PNKD: variants seen among roughly 807,000 people sequenced by gnomAD.
PNKD encodes PNKD metallo-beta-lactamase domain containing, also known as probable thioesterase PNKD.
In PNKD, 36 loss-of-function variants were observed where a neutral mutation model predicts 45.3. The ratio of observed to expected loss-of-function variants is 0.80; its 90% CI spans 0.61 to 1.05. The LOEUF is 1.05. Ranked by LOEUF, PNKD falls within the 50% of genes least tolerant of loss-of-function variation. The probability of loss-of-function intolerance (pLI) is 0.00; values close to 1 mark genes in which losing one functional copy is unlikely to be tolerated. For missense variants in PNKD, 511 were observed against 506.6 expected (o/e 1.01, Z -0.08); for synonymous variants, 197 against 210.1 (o/e 0.94, Z 0.54).
chr2:218,274,199 T>C (rs982138511), intron 2 of PNKD: 8 of 154,992 alleles, frequency 5.2e-5, no homozygotes, highest in Admixed American at 6.5e-5. Context: ...ATACAGGGTT[T>C]TAACTTCTAG....
intron 2 of PNKD, among the ~76,000 whole-genome samples, chr2:218,276,783 G>T (rs1691258188): frequency 6.6e-6 from 1 of 152,068 alleles, no homozygotes; most frequent in Non-Finnish European, 1.5e-5. Context: ...TGCAGTCCAG[G>T]GCTTCAGGTG....
chr2:218,343,814 C>G (rs912505287), intron 8 of PNKD, among the ~76,000 whole-genome samples: 1 of 152,220 alleles, frequency 6.6e-6, no homozygotes, highest in African/African-American at 2.4e-5. Flanking sequence ...GCCAGTCAGC[C>G]TTCAGCCTCT....
intron 2 of PNKD, among the ~76,000 whole-genome samples, chr2:218,290,927 T>A (rs1355143606): frequency 6.6e-6 from 1 of 152,206 alleles, no homozygotes; most frequent in East Asian, 1.9e-4. Context: ...CAGAGAATTG[T>A]ATGAGCTTCC....
At chr2:218,321,722 G>A (rs1274757216) in intron 2 of PNKD, among the ~76,000 whole-genome samples, 1 of 150,358 alleles carries the variant, frequency 6.7e-6, no homozygotes, top group African/African-American at 2.5e-5. Flanking sequence ...TCCACCTCCC[G>A]GGTTCAAGCG....
intron 2 of PNKD, chr2:218,273,074 G>A (rs982413130): frequency 1.6e-6 from 1 of 626,430 alleles, no homozygotes; most frequent in African/African-American, 1.9e-5. Flanking sequence ...AGAGACTTAA[G>A]TGCAACCAGC....
At chr2:218,322,726 G>T (rs974080751) in intron 2 of PNKD, among the ~76,000 whole-genome samples, 2 of 152,192 alleles carry the variant, frequency 1.3e-5, no homozygotes, top group African/African-American at 4.8e-5. Flanking sequence ...TTGGTTCGTC[G>T]CCTCACTAGA....
In PNKD at chr2:218,326,534, G is replaced by A. The variant is rs1559526564; in HGVS notation, c.237-13249G>A. Among the ~76,000 whole-genome samples, 5 of 152,252 alleles carry A rather than the reference G, an allele frequency of 3.3e-5. No homozygotes were observed. The highest frequency in any genetic ancestry group is 3.9e-4 in the East Asian group (2 of 5,180). On this transcript the variant is annotated intron_variant, in intron 2 of 9. Transcript: ENST00000273077. The surrounding 1 kb of genome is among the most constrained non-coding windows in gnomAD (Gnocchi z 4.1). ...GCATCTATAAAGTGGGGTTGGGGAT[G>A]CCTACCTCATAGGGCTCCTGTGAAG...
At chr2:218,327,905 T>A (rs1694199498) in intron 2 of PNKD, 1 of 139,430 alleles carries the variant, frequency 7.2e-6, no homozygotes, top group Non-Finnish European at 1.5e-5. Context: ...GAGGTTGCAG[T>A]GAGCCAAGAT....
At chr2:218,313,019 C>G (rs1693662895) in intron 2 of PNKD, among the ~76,000 whole-genome samples, 1 of 151,726 alleles carries the variant, frequency 6.6e-6, no homozygotes, top group South Asian at 2.1e-4. Context: ...ATACCTGGCC[C>G]TAGCTTCCCC....
At chr2:218,273,085 C>G in intron 2 of PNKD, 1 of 546,122 alleles carries the variant, frequency 1.8e-6, no homozygotes, top group Non-Finnish European at 2.9e-6. Context: ...TGCAACCAGC[C>G]TAGGCCCCGG....
intron 2 of PNKD, among the ~76,000 whole-genome samples, chr2:218,315,114 TTCCTTC>T (rs1559521425): frequency 6.5e-5 from 9 of 138,860 alleles, no homozygotes; most frequent in African/African-American, 2.5e-4. Flanking sequence ...CCTTCCTTCC[TTCCTTC>T]CTTTCTTTCT....
At chr2:218,315,895 G>C (rs1693798743) in intron 2 of PNKD, among the ~76,000 whole-genome samples, 1 of 152,230 alleles carries the variant, frequency 6.6e-6, no homozygotes, top group Non-Finnish European at 1.5e-5. Flanking sequence ...AAACTCAGAA[G>C]CCTACAATCA....
chr2:218,335,204 G>A (rs1232159599), intron 2 of PNKD, among the ~76,000 whole-genome samples: 1 of 151,922 alleles, frequency 6.6e-6, no homozygotes, highest in East Asian at 1.9e-4. Flanking sequence ...AAAATGGGCT[G>A]GGCGCGGTGG....
chr2:218,308,188 ATT>A (rs36099207), intron 2 of PNKD, among the ~76,000 whole-genome samples: 27 of 137,536 alleles, frequency 2.0e-4, no homozygotes, highest in South Asian at 4.7e-4. Context: ...AGCATTTTAG[ATT>A]TTTTTTTTTT....
intron 2 of PNKD, among the ~76,000 whole-genome samples, chr2:218,339,363 C>T (rs1694601335): frequency 6.6e-6 from 1 of 151,928 alleles, no homozygotes; most frequent in Admixed American, 6.6e-5. Flanking sequence ...GTAGCTGGGA[C>T]TACAAGCGTG....
intron 2 of PNKD, among the ~76,000 whole-genome samples, chr2:218,316,564 C>A (rs902053990): frequency 1.3e-5 from 2 of 152,180 alleles, no homozygotes; most frequent in African/African-American, 4.8e-5. Context: ...AGCCACTGTG[C>A]CCGGCCAGGA....
At chr2:218,339,648 A>G (rs1205768377) in intron 2 of PNKD, 135 bp from the exon 3 acceptor site, 8 of 707,482 alleles carry the variant, frequency 1.1e-5, no homozygotes, top group Non-Finnish European at 2.1e-5. Flanking sequence ...GTAGGCACAT[A>G]ATAAGTGAGA....
chr2:218,279,485 G>C (rs1264055049), intron 2 of PNKD: 4 of 699,220 alleles, frequency 5.7e-6, no homozygotes, highest in Non-Finnish European at 9.1e-6. Context: ...GGCGACCCCA[G>C]TGAGATGCCT....
intron 2 of PNKD, among the ~76,000 whole-genome samples, chr2:218,323,685 G>T (rs534930256): frequency 2.0e-5 from 3 of 152,212 alleles, no homozygotes; most frequent in African/African-American, 7.2e-5. Context: ...CGGAAGGAGG[G>T]CGTGAGAGGA....
Sources: gnomAD v4.1 joint callset for allele counts (sites outside exome capture counted in the v4.1 genomes callset) on GRCh38, gnomAD v4.1.1 for gene constraint, Gnocchi (gnomAD v3.1) non-coding constraint, MANE v1.5 for transcripts, NCBI Gene and HGNC (gene_info 2026-07-23, HGNC 2026-07-21) for gene names.